PPP6C: variants seen among roughly 807,000 people sequenced by gnomAD.
PPP6C encodes the protein serine/threonine-protein phosphatase 6 catalytic subunit.
PPP6C carries 11 observed loss-of-function variants against 39.8 expected under a neutral mutation model. That is an observed-to-expected ratio of 0.28 (90% CI 0.17 to 0.46). The LOEUF (loss-of-function observed/expected upper bound fraction) is 0.46. Among genes scored for constraint, PPP6C ranks in the 20% least tolerant of loss-of-function variants. The pLI, the probability that PPP6C is intolerant of heterozygous loss-of-function variation, is 1.00. For missense variants in PPP6C, 211 were observed against 373.9 expected, an observed-to-expected ratio of 0.56 and a Z score of 3.59; for synonymous variants, 129 against 130.3, an observed-to-expected ratio of 0.99 and a Z score of 0.07.
At chr9:125,179,491 T>G (rs906244754) in intron 1 of PPP6C, among the ~76,000 whole-genome samples, 1 of 152,110 alleles carries the variant, frequency 6.6e-6, no homozygotes, top group African/African-American at 2.4e-5. Flanking sequence ...CTAACTCCTC[T>G]CCATGGAGGC....
chr9:125,189,072 G>T (rs1350921144), intron 1 of PPP6C: 1 of 697,458 alleles, frequency 1.4e-6, no homozygotes, highest in Non-Finnish European at 2.4e-6. Context: ...CAAAACCGAC[G>T]ATCCTAAAAA....
At chr9:125,186,848 T>G (rs1829539940) in intron 1 of PPP6C, among the ~76,000 whole-genome samples, 1 of 151,088 alleles carries the variant, frequency 6.6e-6, no homozygotes, top group African/African-American at 2.4e-5. Context: ...AGAAATAAAA[T>G]GGTCTAAAAA....
intron 2 of PPP6C, among the ~76,000 whole-genome samples, chr9:125,162,168 C>T (rs1222213784): frequency 6.6e-6 from 1 of 151,830 alleles, no homozygotes; most frequent in Admixed American, 6.6e-5. Flanking sequence ...CTGCTCACAC[C>T]TGTAATCCTG....
At chr9:125,168,032 T>C (rs977365967) in intron 2 of PPP6C, among the ~76,000 whole-genome samples, 2 of 152,136 alleles carry the variant, frequency 1.3e-5, no homozygotes, top group African/African-American at 2.4e-5. Context: ...TGCAGGCATG[T>C]TGGTGAAGAA....
chr9:125,158,513 G>T, intron 3 of PPP6C, 131 bp from the exon 4 acceptor site: 1 of 931,376 alleles, frequency 1.1e-6, no homozygotes, highest in Non-Finnish European at 1.5e-6. Flanking sequence ...TTGGAAATTT[G>T]ATTTTAACAA....
rs1310396308 is a variant in PPP6C, at chr9:125,152,165, G to T, written c.669+1368C>A. On this transcript the variant is annotated intron_variant, in intron 6 of 6. Coordinates refer to ENST00000373547, the MANE Select transcript of PPP6C (RefSeq NM_002721.5). ...AGCACAGCGCAGCAAATGTTTCTTG[G>T]GAGGAAGAAGCCTGATCCATCATCA... Among the ~76,000 whole-genome samples the T allele has an allele frequency of 9.2e-5, 14 of 152,178 alleles. No individual in the cohort carries two copies. In the South Asian group the frequency reaches 2.9e-3, roughly 32 times the overall value.
intron 1 of PPP6C, among the ~76,000 whole-genome samples, chr9:125,175,309 T>C (rs1829272467): frequency 6.6e-6 from 1 of 151,984 alleles, no homozygotes; most frequent in Non-Finnish European, 1.5e-5. Context: ...TCTCGAAGGT[T>C]CCATCAGAAT....
At position 125,169,248 on chromosome 9, in the gene PPP6C, T is replaced by C. The variant is rs550101353; in HGVS notation, c.171+1837A>G. 2.6e-5 allele frequency among the ~76,000 whole-genome samples: 4 copies of C among 152,314 alleles called. No homozygotes were observed. In the South Asian group the frequency reaches 6.2e-4, roughly 24 times the overall value. ...CCTTTCATTGTCTACAAAATAATCC[T>C]ATCTCACAGGACTTTGGGAAAAAAC... On this transcript the variant is annotated intron_variant, in intron 2 of 6. Coordinates refer to ENST00000373547, the MANE Select transcript of PPP6C (RefSeq NM_002721.5).
intron 1 of PPP6C, among the ~76,000 whole-genome samples, chr9:125,182,615 G>C (rs535938561): frequency 6.6e-6 from 1 of 151,658 alleles, no homozygotes; most frequent in African/African-American, 2.4e-5. Context: ...ATATTCACAC[G>C]CTTATGATCC....
intron 1 of PPP6C, among the ~76,000 whole-genome samples, chr9:125,180,407 T>G (rs1428379599): frequency 1.3e-5 from 2 of 152,112 alleles, no homozygotes; most frequent in African/African-American, 4.8e-5. Context: ...TGATGAATGA[T>G]TCTAAGTTTG....
chr9:125,158,121 T>G, intron 4 of PPP6C, 120 bp downstream of exon 4: 2 of 996,394 alleles, frequency 2.0e-6, no homozygotes, highest in Non-Finnish European at 2.9e-6. Context: ...TTGGGAGGAG[T>G]GAAGGAGTGA....
intron 2 of PPP6C, among the ~76,000 whole-genome samples, chr9:125,164,057 T>C (rs1299710286): frequency 6.6e-6 from 1 of 151,804 alleles, no homozygotes; most frequent in Non-Finnish European, 1.5e-5. Context: ...AGGCAGATCC[T>C]GAACTCCTGA....
In PPP6C at chr9:125,180,242, C is replaced by T. The variant is rs556346604; in HGVS notation, c.76-9062G>A. On this transcript the variant is annotated intron_variant, in intron 1 of 6. Coordinates refer to ENST00000373547, the MANE Select transcript of PPP6C (RefSeq NM_002721.5). ...AATCCAGTTAGTCCTTGTGGATAGACGGCTGTCTTTCCAGTCAATTTCAAA... is the reference window on the plus strand; with the variant it reads ...AATCCAGTTAGTCCTTGTGGATAGATGGCTGTCTTTCCAGTCAATTTCAAA... Among the ~76,000 whole-genome samples the T allele has an allele frequency of 1.4e-3, 220 of 152,278 alleles. 1 individual carries two copies. Among genetic ancestry groups the T allele is most frequent in the Non-Finnish European group, 2.4e-3 (160 of 68,022 alleles).
intron 1 of PPP6C, among the ~76,000 whole-genome samples, chr9:125,183,037 A>T (rs1158093886): frequency 2.6e-5 from 4 of 152,076 alleles, no homozygotes; most frequent in African/African-American, 9.7e-5. Context: ...TATGGCCCAA[A>T]CCAAACTTCC....
chr9:125,189,009 C>G, intron 1 of PPP6C: 1 of 1,264,922 alleles, frequency 7.9e-7, no homozygotes, highest in South Asian at 1.3e-5. Flanking sequence ...CTACTTTATC[C>G]ACTTCAGTAA....
chr9:125,187,075 T>C (rs1376603440), intron 1 of PPP6C, among the ~76,000 whole-genome samples: 2 of 149,188 alleles, frequency 1.3e-5, no homozygotes, highest in African/African-American at 5.0e-5. Context: ...GCCTCCCAAG[T>C]AGCTGGGATT....
intron 3 of PPP6C, among the ~76,000 whole-genome samples, chr9:125,160,123 C>T (rs1358936026): frequency 6.6e-6 from 1 of 152,080 alleles, no homozygotes; most frequent in African/African-American, 2.4e-5. Context: ...AAAAGAAAAG[C>T]AAACATCTAT....
intron 1 of PPP6C, chr9:125,188,962 G>T (rs746014461): frequency 9.1e-6 from 14 of 1,543,938 alleles, no homozygotes; most frequent in Non-Finnish European, 1.1e-5. Context: ...GTTAAGAAGG[G>T]GTTAAGGAGA....
At chr9:125,170,276 G>C (rs1829118189) in intron 2 of PPP6C, among the ~76,000 whole-genome samples, 1 of 148,562 alleles carries the variant, frequency 6.7e-6, no homozygotes, top group African/African-American at 2.5e-5. Flanking sequence ...TTGCTCTGTT[G>C]CCCAGGCTGG....
Sources: allele counts gnomAD v4.1 joint callset (sites outside exome capture counted in the v4.1 genomes callset), GRCh38; gene constraint gnomAD v4.1.1; transcripts MANE v1.5; gene names NCBI Gene and HGNC (gene_info 2026-07-23, HGNC 2026-07-21).